The following MPP4 variants were observed in gnomAD, a reference collection of about 807,000 sequenced individuals.
MPP4 encodes MAGUK p55 scaffold protein 4.
A neutral mutation model predicts 98.3 loss-of-function variants in MPP4; 91 were observed. The ratio of observed to expected loss-of-function variants is 0.93; its 90% CI spans 0.78 to 1.10. The LOEUF (loss-of-function observed/expected upper bound fraction) is 1.10. MPP4 is among the 50% of genes least tolerant of loss of function. The pLI, the probability that MPP4 is intolerant of heterozygous loss-of-function variation, is 0.00. For synonymous variants in MPP4, 261 were observed against 271.8 expected, an observed-to-expected ratio of 0.96 and a Z score of 0.39; for missense variants, 744 against 792.9, an observed-to-expected ratio of 0.94 and a Z score of 0.74.
At chr2:201,658,682 T>C (rs1687927357) in intron 15 of MPP4, among the ~76,000 whole-genome samples, 164 bp from the exon 16 acceptor site, 1 of 152,222 alleles carries the variant, frequency 6.6e-6, no homozygotes, top group Non-Finnish European at 1.5e-5. Flanking sequence ...GCATTTTTCA[T>C]CCTATTATTC....
intron 11 of MPP4, among the ~76,000 whole-genome samples, chr2:201,672,316 C>T (rs564670041): frequency 6.6e-6 from 1 of 152,154 alleles, no homozygotes; most frequent in African/African-American, 2.4e-5. Context: ...AATCGAAACC[C>T]TAACATCACA....
At chr2:201,696,629 C>A (rs950392340) in intron 1 of MPP4, among the ~76,000 whole-genome samples, 3 of 152,208 alleles carry the variant, frequency 2.0e-5, no homozygotes, top group East Asian at 1.9e-4. Context: ...GTTGGGGGCA[C>A]ACACTAGAGA....
At chr2:201,682,581 C>T (rs373163024) in intron 8 of MPP4, among the ~76,000 whole-genome samples, 3 of 152,180 alleles carry the variant, frequency 2.0e-5, no homozygotes, top group South Asian at 2.1e-4. Flanking sequence ...GCAGTCTTCC[C>T]GTGGCTGAAG....
chr2:201,670,466 C>T (rs150076339), intron 11 of MPP4, among the ~76,000 whole-genome samples: 189 of 152,170 alleles, frequency 1.2e-3, no homozygotes, highest in African/African-American at 4.4e-3. Flanking sequence ...ACCTGAGGCT[C>T]GTGGACTTAG....
chr2:201,681,949 A>T (rs1328537031), intron 8 of MPP4, among the ~76,000 whole-genome samples: 1 of 152,098 alleles, frequency 6.6e-6, no homozygotes, highest in Middle Eastern at 3.4e-3. Flanking sequence ...GCATTTCCTG[A>T]ATGCCTGTTT....
intron 13 of MPP4, chr2:201,665,385 T>C (rs1303390902): frequency 1.3e-5 from 2 of 152,122 alleles, no homozygotes; most frequent in Non-Finnish European, 2.9e-5. Context: ...ATTGCTTTTA[T>C]GTGCACAGAA....
chr2:201,654,745 T>C, intron 18 of MPP4, 92 bp downstream of exon 18: 1 of 840,046 alleles, frequency 1.2e-6, no homozygotes, highest in Non-Finnish European at 1.8e-6. Context: ...TTGTATACTT[T>C]TACAACAAAG....
At chr2:201,661,991 C>A in intron 14 of MPP4, 1 of 327,552 alleles carries the variant, frequency 3.1e-6, no homozygotes, top group South Asian at 2.7e-5. Context: ...TTCTAACAGG[C>A]CAACCATCTA....
chr2:201,693,084 G>A lies in MPP4; in HGVS notation c.80-55C>T. The A allele has an allele frequency of 2.5e-6, 4 of 1,573,556 alleles. 1 individual carries two copies. Among genetic ancestry groups the A allele is most frequent in the Non-Finnish European group, 2.6e-6 (3 of 1,159,670 alleles). On this transcript the variant is annotated intron_variant, in intron 2 of 21. Coordinates refer to ENST00000409474, the MANE Select transcript of MPP4 (RefSeq NM_033066.3). ...GGCAGGTGCGGGTGTAAATGTGAAAGGCAACTCAGATAGCTGGGGCATGCC... is the reference window on the plus strand; with the variant it reads ...GGCAGGTGCGGGTGTAAATGTGAAAAGCAACTCAGATAGCTGGGGCATGCC...
chr2:201,656,459 C>A, intron 16 of MPP4, 91 bp from the exon 17 acceptor site: 1 of 1,244,402 alleles, frequency 8.0e-7, no homozygotes, highest in Non-Finnish European at 1.1e-6. Context: ...AACCATGATC[C>A]TAAAGTGTTC....
chr2:201,654,858 G>A lies in MPP4; in HGVS notation c.1360C>T (p.His454Tyr), dbSNP rs748696402. The A allele has an allele frequency of 1.2e-6, 2 of 1,604,324 alleles. No homozygotes were observed. The highest frequency in any genetic ancestry group is 8.5e-7 in the Non-Finnish European group (1 of 1,175,320). ...RRQLIEFNPS[H>Y]FQSAVPHTTR... ...ATACGTGGCACAGCACTTTGAAAATGGCTGGGATTAAATTCAATAAGTTGT... is the reference window on the plus strand; with the variant it reads ...ATACGTGGCACAGCACTTTGAAAATAGCTGGGATTAAATTCAATAAGTTGT... The change falls in exon 18 of 22, where the codon CAT (histidine) becomes TAT (tyrosine). Residue 454 changes from histidine (H) to tyrosine (Y), a missense_variant. Coordinates refer to ENST00000409474, the MANE Select transcript of MPP4 (RefSeq NM_033066.3).
intron 7 of MPP4, among the ~76,000 whole-genome samples, chr2:201,684,725 C>T (rs113042740): frequency 0.11 from 15,967 of 151,924 alleles, 929 homozygotes; most frequent in Non-Finnish European, 0.12. Flanking sequence ...CTGAGGTGGG[C>T]GGATCACGAG....
At chr2:201,682,808 A>G in intron 8 of MPP4, 23 bp downstream of exon 8, 1 of 1,609,886 alleles carries the variant, frequency 6.2e-7, no homozygotes, top group Non-Finnish European at 8.5e-7. Context: ...AGTCATTAAC[A>G]AAAAGGCAAA....
intron 10 of MPP4, 102 bp downstream of exon 10, chr2:201,680,736 G>T: frequency 9.6e-7 from 1 of 1,038,100 alleles, no homozygotes; most frequent in Non-Finnish European, 1.4e-6. Context: ...TCATTCATCT[G>T]CTTGTCCCTC....
chr2:201,663,347 G>A (rs565423215), intron 14 of MPP4, among the ~76,000 whole-genome samples: 1 of 152,216 alleles, frequency 6.6e-6, no homozygotes, highest in African/African-American at 2.4e-5. Flanking sequence ...GTTCCAAAAT[G>A]CTACATCAGG....
Position 201,664,112 on chromosome 2 carries a change from T to C in MPP4, c.1052-11A>G, listed in dbSNP as rs1298048259. On this transcript the variant is annotated splice_polypyrimidine_tract_variant and intron_variant, in intron 13 of 21. Transcript: ENST00000409474. ...CAAATGTTTCTTCATCTATGATTTT[T>C]CATGGAGGCAAAAATCAAAAATGTT... is the stretch of plus-strand genomic sequence containing the variant. 16 of 1,537,016 alleles carry C rather than the reference T, an allele frequency of 1.0e-5. No individual in the cohort carries two copies. Among genetic ancestry groups the C allele is most frequent in the Non-Finnish European group, 1.3e-5 (15 of 1,135,908 alleles).
At chr2:201,662,923 T>G (rs1688067066) in intron 14 of MPP4, among the ~76,000 whole-genome samples, 1 of 152,364 alleles carries the variant, frequency 6.6e-6, no homozygotes, top group East Asian at 1.9e-4. Flanking sequence ...GGGCCTATTT[T>G]GTTTTTAATG....
intron 1 of MPP4, among the ~76,000 whole-genome samples, chr2:201,695,647 A>G (rs1689157297): frequency 6.6e-6 from 1 of 152,202 alleles, no homozygotes; most frequent in African/African-American, 2.4e-5. Flanking sequence ...CAATGGCAAC[A>G]TGAGGGTTTT....
intron 14 of MPP4, among the ~76,000 whole-genome samples, chr2:201,663,246 G>A (rs1688075314): frequency 6.6e-6 from 1 of 152,150 alleles, no homozygotes; most frequent in Non-Finnish European, 1.5e-5. Context: ...TTGTCCAGCA[G>A]GACATTCAGA....
Sources: gnomAD v4.1 joint callset for allele counts (sites outside exome capture counted in the v4.1 genomes callset) on GRCh38, gnomAD v4.1.1 for gene constraint, MANE v1.5 for transcripts, NCBI Gene and HGNC (gene_info 2026-07-23, HGNC 2026-07-21) for gene names.